Variants in GOLM2 observed in about 807,000 individuals in gnomAD.
The protein encoded by GOLM2 is golgi membrane protein 2.
In GOLM2, 26 loss-of-function variants were observed where a neutral mutation model predicts 55.9. The ratio of observed to expected loss-of-function variants is 0.47; its 90% CI spans 0.34 to 0.65. The LOEUF (loss-of-function observed/expected upper bound fraction) is 0.65, where lower values mean the gene tolerates loss of function less well. GOLM2 is among the 30% of genes least tolerant of loss of function. The pLI is 0.01. For synonymous variants in GOLM2, 165 were observed against 194.6 expected (o/e 0.85, Z 1.27); for missense variants, 486 against 531.8 (o/e 0.91, Z 0.85).
At chr15:44,318,160 G>A (rs533682841) in intron 1 of GOLM2, among the ~76,000 whole-genome samples, 1 of 152,214 alleles carries the variant, frequency 6.6e-6, no homozygotes, top group Admixed American at 6.5e-5. Flanking sequence ...TGTAGACACT[G>A]AAGTTTCATT....
intron 1 of GOLM2, among the ~76,000 whole-genome samples, chr15:44,319,136 T>G (rs902864312): frequency 1.3e-5 from 2 of 152,204 alleles, no homozygotes; most frequent in African/African-American, 4.8e-5. Context: ...GGTATTATGA[T>G]TGCCTATTTA....
At chr15:44,408,746 A>G (rs2079614011) in intron 9 of GOLM2, among the ~76,000 whole-genome samples, 1 of 152,132 alleles carries the variant, frequency 6.6e-6, no homozygotes, top group Non-Finnish European at 1.5e-5. Context: ...TGGGAGGCCA[A>G]GGAGGGCAGA....
intron 6 of GOLM2, among the ~76,000 whole-genome samples, chr15:44,338,777 T>G (rs2079073505): frequency 6.6e-6 from 1 of 152,208 alleles, no homozygotes. Flanking sequence ...CCCCACACTT[T>G]TGGATAGTTT....
chr15:44,344,310 T>TATATATAC (rs2079109262), intron 6 of GOLM2, among the ~76,000 whole-genome samples: 1 of 148,686 alleles, frequency 6.7e-6, no homozygotes, highest in African/African-American at 2.5e-5. Flanking sequence ...TATATATATA[T>TATATATAC]ACCTCTGAAA....
chr15:44,368,303 A>ATTTTTTTTTTT (rs1245673474), intron 6 of GOLM2, among the ~76,000 whole-genome samples: 1 of 115,692 alleles, frequency 8.6e-6, no homozygotes, highest in African/African-American at 3.3e-5. Context: ...ACGCCCAGCT[A>ATTTTTTTTTTT]TTTTTTTTTT....
chr15:44,368,024 G>A (rs553005496), intron 6 of GOLM2, among the ~76,000 whole-genome samples: 56 of 152,032 alleles, frequency 3.7e-4, no homozygotes, highest in African/African-American at 1.3e-3. Context: ...GTGGGTTGAT[G>A]TTTTTCACCA....
chr15:44,342,752 A>G (rs78771689), intron 6 of GOLM2, among the ~76,000 whole-genome samples: 3,842 of 152,300 alleles, frequency 0.025, 164 homozygotes, highest in African/African-American at 0.088. Flanking sequence ...AAGCCATTTC[A>G]TATCTTTGTA....
At chr15:44,376,507 T>G (rs1158407027) in intron 6 of GOLM2, among the ~76,000 whole-genome samples, 1 of 152,170 alleles carries the variant, frequency 6.6e-6, no homozygotes, top group Non-Finnish European at 1.5e-5. Context: ...CTTGGCCTCC[T>G]AAAATATTGG....
chr15:44,346,721 G>A (rs947857194), intron 6 of GOLM2, among the ~76,000 whole-genome samples: 2 of 152,166 alleles, frequency 1.3e-5, no homozygotes, highest in African/African-American at 4.8e-5. Context: ...TTATGGGGAA[G>A]AAGATTAGGA....
rs1200529160 is a variant in GOLM2 at position 44,414,387 on chromosome 15, AG to A, written c.*982del. 1 of 152,206 alleles carries A rather than the reference AG, an allele frequency of 6.6e-6. No individual in the cohort carries two copies. The highest frequency in any genetic ancestry group is 1.5e-5 in the Non-Finnish European group (1 of 68,036). The allele number at this position is 152,206 out of a possible 1,614,324, so 9.4% of individuals were successfully genotyped here. ...CTGCAAAGACATAACAGTATTTATG[AG>A]TTATATCTTAGTTCTTGAAATTGTG... On this transcript the variant is annotated 3_prime_UTR_variant, in exon 10 of 10. Transcript: ENST00000299957.
intron 1 of GOLM2, among the ~76,000 whole-genome samples, chr15:44,291,843 G>GA (rs201483786): frequency 0.02 from 2,967 of 152,130 alleles, 103 homozygotes; most frequent in African/African-American, 0.069. Flanking sequence ...GTGGTGAGGA[G>GA]AAAAAAATGA....
intron 1 of GOLM2, among the ~76,000 whole-genome samples, chr15:44,301,645 A>C (rs2078798220): frequency 6.6e-6 from 1 of 152,160 alleles, no homozygotes; most frequent in Non-Finnish European, 1.5e-5. Context: ...ATCAGGATTT[A>C]ATGAGGCAAA....
Position 44,288,843 on chromosome 15 carries a change from G to A in GOLM2, c.-187G>A. On this transcript the variant is annotated 5_prime_UTR_variant, in exon 1 of 10. Coordinates refer to ENST00000299957, the MANE Select transcript of GOLM2 (RefSeq NM_138423.4). ...AACGCGTTTTGGCCTGATTTGAGGA[G>A]GGGGGCGGGGAGGGACCTGCGGCTT... 1 of 593,990 alleles carries A rather than the reference G, an allele frequency of 1.7e-6. No individual in the cohort carries two copies. The highest frequency in any genetic ancestry group is 2.9e-6 in the Non-Finnish European group (1 of 339,488). 36.8% of individuals were successfully genotyped at this position (593,990 alleles called of 1,614,324 possible).
chr15:44,371,008 G>C (rs1489335865), intron 6 of GOLM2, among the ~76,000 whole-genome samples: 3 of 152,156 alleles, frequency 2.0e-5, no homozygotes, highest in Non-Finnish European at 2.9e-5. Flanking sequence ...GGAGCTGTCT[G>C]TTAGACCCCA....
chr15:44,300,811 C>T (rs767255571), intron 1 of GOLM2, among the ~76,000 whole-genome samples: 1 of 152,174 alleles, frequency 6.6e-6, no homozygotes, highest in Non-Finnish European at 1.5e-5. Context: ...ACAGACTGGG[C>T]ATGCAGTAAT....
At chr15:44,332,331 C>A (rs995767554) in intron 4 of GOLM2, among the ~76,000 whole-genome samples, 1 of 151,994 alleles carries the variant, frequency 6.6e-6, no homozygotes, top group African/African-American at 2.4e-5. Context: ...CTGAGGCGGG[C>A]GGCTCACTCG....
chr15:44,404,372 T>C (rs1202727046), intron 9 of GOLM2, among the ~76,000 whole-genome samples: 1 of 152,154 alleles, frequency 6.6e-6, no homozygotes, highest in Non-Finnish European at 1.5e-5. Flanking sequence ...ACTGTTTTCA[T>C]AGTTCATTTT....
At chr15:44,373,350 G>A (rs1333663073) in intron 6 of GOLM2, among the ~76,000 whole-genome samples, 3 of 149,542 alleles carry the variant, frequency 2.0e-5, no homozygotes, top group East Asian at 4.0e-4. Context: ...CCAGCTACTC[G>A]GGAGGCTGAG....
At chr15:44,323,568 GA>G (rs968987390) in intron 2 of GOLM2, among the ~76,000 whole-genome samples, 2,560 of 142,548 alleles carry the variant, frequency 0.018, 38 homozygotes, top group Non-Finnish European at 0.025. Context: ...CTTTTATGGA[GA>G]AAAAAAAAAA....
Sources: gnomAD v4.1 joint callset for allele counts (sites outside exome capture counted in the v4.1 genomes callset) on GRCh38, gnomAD v4.1.1 for gene constraint, MANE v1.5 for transcripts, NCBI Gene and HGNC (gene_info 2026-07-23, HGNC 2026-07-21) for gene names.